RHOF: variants seen among roughly 807,000 people sequenced by gnomAD.
The protein encoded by RHOF is ras homolog family member F, filopodia associated.
In RHOF, 21 loss-of-function variants were observed where a neutral mutation model predicts 22.2. The observed-to-expected ratio is 0.95, with a 90% CI of 0.67 to 1.36. The LOEUF is 1.36. Ranked by LOEUF, RHOF falls within the 40% of genes most tolerant of loss-of-function variation. RHOF has a pLI of 0.00. For missense variants in RHOF, 285 were observed against 293.7 expected (o/e 0.97, Z 0.22); for synonymous variants, 135 against 131.2 (o/e 1.03, Z -0.20).
chr12:121,785,757 T>C (rs1314525879), intron 2 of RHOF, among the ~76,000 whole-genome samples: 1 of 151,568 alleles, frequency 6.6e-6, no homozygotes. Context: ...ACTTGACAGG[T>C]GCCCGCCACC....
intron 2 of RHOF, among the ~76,000 whole-genome samples, chr12:121,789,392 G>A (rs759079892): frequency 2.6e-5 from 4 of 152,122 alleles, no homozygotes; most frequent in Non-Finnish European, 4.4e-5. Context: ...GGCTCATGCC[G>A]CACACAGGGC....
intron 2 of RHOF, among the ~76,000 whole-genome samples, chr12:121,789,681 A>T (rs1008756900): frequency 6.6e-6 from 1 of 152,104 alleles, no homozygotes; most frequent in Non-Finnish European, 1.5e-5. Context: ...CCCAGCTGGG[A>T]GTTGAGACCA....
At position 121,781,165 on chromosome 12, in the gene RHOF, G is replaced by A. The variant is rs1348103256; in HGVS notation, c.254C>T (p.Pro85Leu). 6.2e-7 allele frequency: 1 copy of A among 1,614,206 alleles called. No individual in the cohort carries two copies. The highest frequency in any genetic ancestry group is 1.7e-5 in the Admixed American group (1 of 60,020). ...AGQEDYDRLR[P>L]LSYQNTHLVL... ...GAGGTGGGTGTTCTGGTAGGACAGG[G>A]GCCGCAGCCGGTCATAGTCTTCTTG... Residue 85 changes from proline to leucine, a missense_variant, in exon 3 of 5, where the codon CCC becomes CTC. Coordinates refer to ENST00000267205, the MANE Select transcript of RHOF (RefSeq NM_019034.3).
intron 2 of RHOF, among the ~76,000 whole-genome samples, chr12:121,783,539 A>G (rs1304509175): frequency 3.3e-5 from 5 of 151,792 alleles, no homozygotes; most frequent in Non-Finnish European, 7.4e-5. Flanking sequence ...CTGGAGTGCA[A>G]TGGCGCGATC....
At chr12:121,793,023 C>G in intron 2 of RHOF, 129 bp downstream of exon 2, 1 of 784,146 alleles carries the variant, frequency 1.3e-6, no homozygotes, top group Non-Finnish European at 2.1e-6. Context: ...TGAGCGGCCT[C>G]CAGGAGTGAA....
chr12:121,793,571 C>T lies in RHOF; in HGVS notation c.63G>A (p.Lys21=). 2 of 1,553,110 alleles carry T rather than the reference C, an allele frequency of 1.3e-6. No homozygotes were observed. Among genetic ancestry groups the T allele is most frequent in the Non-Finnish European group, 1.7e-6 (2 of 1,152,730 alleles). Residue 21 remains lysine (K), a synonymous_variant, in exon 1 of 5, where the codon AAG becomes AAA. Transcript: ENST00000267205. ...AGCCGCCGTCGCCCACGATCACGAT[C>T]TTCAGCTCCTTCCTGCCCGGACCGG... The part of the protein sequence containing the change: ...AAPGPGRKEL[K]IVIVGDGGCG...
chr12:121,793,084 G>A lies in RHOF; in HGVS notation c.226+68C>T, dbSNP rs370554512. On this transcript the variant is annotated intron_variant, in intron 2 of 4. Transcript: ENST00000267205. ...TGCAGGGCGGGGACACCCAGTGGGG[G>A]ACGCCCGGGAGGGGAAACCCTTCGG... The A allele has an allele frequency of 1.6e-4, 213 of 1,353,926 alleles. 2 individuals carry two copies. The East Asian group carries it at 4.0e-3, about 25-fold the overall frequency. The allele number at this position is 1,353,926 out of a possible 1,614,324, so 83.9% of individuals were successfully genotyped here.
At chr12:121,793,080 G>C (rs1378451699) in intron 2 of RHOF, 72 bp downstream of exon 2, 46 of 1,324,870 alleles carry the variant, frequency 3.5e-5, no homozygotes, top group Non-Finnish European at 4.7e-5. Flanking sequence ...GACACCCAGT[G>C]GGGGACGCCC....
rs1244205801 is a variant in RHOF at position 121,779,467 on chromosome 12, C to G, written c.*31G>C. On this transcript the variant is annotated 3_prime_UTR_variant, in exon 5 of 5. Transcript: ENST00000267205. Reference sequence around the variant, plus strand: ...CGGCACCTGGGCCCCCGGGCCCTGTCAGTGCTGTCGTGAGGTCTGTCTGCC... The same window carrying G: ...CGGCACCTGGGCCCCCGGGCCCTGTGAGTGCTGTCGTGAGGTCTGTCTGCC... The G allele has an allele frequency of 5.6e-6, 9 of 1,604,218 alleles. No individual in the cohort carries two copies. The East Asian group carries it at 2.0e-4, about 36-fold the overall frequency.
chr12:121,789,089 G>A (rs1874692275), intron 2 of RHOF, among the ~76,000 whole-genome samples: 1 of 152,156 alleles, frequency 6.6e-6, no homozygotes, highest in East Asian at 1.9e-4. Flanking sequence ...GGTAGACCAG[G>A]CGTGGTGGCT....
intron 2 of RHOF, among the ~76,000 whole-genome samples, chr12:121,783,377 AG>A (rs1212671774): frequency 7.3e-6 from 1 of 137,278 alleles, no homozygotes; most frequent in African/African-American, 2.8e-5. Flanking sequence ...GCTGGAGTGC[AG>A]TGTCCCAATC....
rs1428040869 is a variant in RHOF at position 121,778,814 on chromosome 12, G to A, written c.*684C>T. On this transcript the variant is annotated 3_prime_UTR_variant, in exon 5 of 5. Transcript: ENST00000267205. ...AAGTCTCTGACACTGGGGGCTTTGG[G>A]TGAAACCTTAAGGAGATGGTCAGAT... is the stretch of plus-strand genomic sequence containing the variant. 6.6e-6 allele frequency: 1 copy of A among 152,314 alleles called. No individual in the cohort carries two copies. The highest frequency in any genetic ancestry group is 1.5e-5 in the Non-Finnish European group (1 of 68,134). 9.4% of individuals were successfully genotyped at this position (152,314 alleles called of 1,614,324 possible).
intron 2 of RHOF, among the ~76,000 whole-genome samples, chr12:121,790,452 G>A (rs1874736778): frequency 6.6e-6 from 1 of 152,230 alleles, no homozygotes; most frequent in African/African-American, 2.4e-5. Context: ...TCTCCTGAGA[G>A]CCGTCCACCT....
intron 2 of RHOF, among the ~76,000 whole-genome samples, chr12:121,783,959 G>A (rs953287226): frequency 5.3e-5 from 8 of 151,870 alleles, no homozygotes; most frequent in African/African-American, 1.9e-4. Context: ...TGACTTCATC[G>A]CCTGCCACAC....
chr12:121,786,313 C>T (rs1279176735), intron 2 of RHOF, among the ~76,000 whole-genome samples: 1 of 152,162 alleles, frequency 6.6e-6, no homozygotes, highest in Non-Finnish European at 1.5e-5. Context: ...GCCTCGGCCT[C>T]CCAAAGTGCT....
Position 121,785,379 on chromosome 12 carries a change from TG to T in RHOF, c.227-4188del, listed in dbSNP as rs554025049. ...TGAAACCGTGGATAAGGTTATAAAA[TG>T]GGGCCCCCTTGGACGTCTTCTCTCA... On this transcript the variant is annotated intron_variant, in intron 2 of 4. Coordinates refer to ENST00000267205, the MANE Select transcript of RHOF (RefSeq NM_019034.3). 2.6e-3 allele frequency among the ~76,000 whole-genome samples: 399 copies of T among 151,568 alleles called. 1 individual carries two copies. Among genetic ancestry groups the T allele is most frequent in the African/African-American group, 9.1e-3 (376 of 41,354 alleles).
At chr12:121,792,708 G>A (rs1356526383) in intron 2 of RHOF, among the ~76,000 whole-genome samples, 2 of 152,220 alleles carry the variant, frequency 1.3e-5, no homozygotes, top group African/African-American at 4.8e-5. Flanking sequence ...GGAGCCACAG[G>A]CTGATCTGCA....
In RHOF at chr12:121,781,099, T is replaced by G. The variant is rs755379087; in HGVS notation, c.320A>C (p.Asp107Ala). The change falls in exon 3 of 5, where the codon GAC becomes GCC. Residue 107 changes from aspartate (D) to alanine (A), a missense_variant. By Grantham distance (126) the Asp-to-Ala change is moderately radical (BLOSUM62 -2). Transcript: ENST00000267205. ...CGGCCTCACCTTGATGAGGACGTTG[T>G]CGTAGCTGGTGGGATTCATGACGTC... The part of the protein sequence containing the change: ...CYDVMNPTSY[D>A]NVLIKWFPEV... 1.2e-6 allele frequency: 2 copies of G among 1,614,188 alleles called. No individual in the cohort carries two copies. The highest frequency in any genetic ancestry group is 3.3e-5 in the Admixed American group (2 of 60,024).
intron 2 of RHOF, 34 bp from the exon 3 acceptor site, chr12:121,781,226 T>C (rs1308679700): frequency 1.9e-6 from 3 of 1,589,980 alleles, no homozygotes; most frequent in Non-Finnish European, 2.6e-6. Context: ...TCAGGGGACG[T>C]CCCCTCCCTG....
Sources: allele counts gnomAD v4.1 joint callset (sites outside exome capture counted in the v4.1 genomes callset), GRCh38; gene constraint gnomAD v4.1.1; transcripts MANE v1.5; gene names NCBI Gene and HGNC (gene_info 2026-07-23, HGNC 2026-07-21).